The following PPP2R3A variants were observed in gnomAD, a reference collection of about 807,000 sequenced individuals.
PPP2R3A encodes serine/threonine-protein phosphatase 2A regulatory subunit B'' subunit alpha.
Under a neutral mutation model 106.9 loss-of-function variants are expected in PPP2R3A, and 80 were observed. That is an observed-to-expected ratio of 0.75 (90% CI 0.62 to 0.90). The LOEUF (loss-of-function observed/expected upper bound fraction) is 0.90, where lower values mean the gene tolerates loss of function less well. Among genes scored for constraint, PPP2R3A ranks in the 40% least tolerant of loss-of-function variants. The pLI, the probability that PPP2R3A is intolerant of heterozygous loss-of-function variation, is 0.00. For synonymous variants in PPP2R3A, 483 were observed against 468.3 expected (o/e 1.03, Z -0.41); for missense variants, 1,386 against 1,350.4 (o/e 1.03, Z -0.41).
At chr3:136,117,355 T>A (rs1937806627) in intron 13 of PPP2R3A, among the ~76,000 whole-genome samples, 1 of 151,874 alleles carries the variant, frequency 6.6e-6, no homozygotes, top group Non-Finnish European at 1.5e-5. Context: ...AACAAAAAGC[T>A]AGCAGAAGCC....
chr3:136,132,601 A>G (rs1308211224), intron 13 of PPP2R3A, among the ~76,000 whole-genome samples: 1 of 151,972 alleles, frequency 6.6e-6, no homozygotes, highest in African/African-American at 2.4e-5. Flanking sequence ...AACTAAAAAA[A>G]CAATGCTGAG....
chr3:136,131,474 T>C (rs994443555), intron 13 of PPP2R3A, among the ~76,000 whole-genome samples: 16 of 152,214 alleles, frequency 1.1e-4, no homozygotes, highest in African/African-American at 3.4e-4. Flanking sequence ...TATCATCTCA[T>C]GCCAGTTAGA....
chr3:136,068,527 AT>A (rs1381488137), intron 5 of PPP2R3A, among the ~76,000 whole-genome samples: 1 of 152,118 alleles, frequency 6.6e-6, no homozygotes, highest in Non-Finnish European at 1.5e-5. Context: ...TCTCAAAAAA[AT>A]AAAAGAAATA....
At chr3:136,094,148 A>G (rs1937161546) in intron 10 of PPP2R3A, among the ~76,000 whole-genome samples, 1 of 152,254 alleles carries the variant, frequency 6.6e-6, no homozygotes, top group African/African-American at 2.4e-5. Flanking sequence ...CATTTATATG[A>G]GTTGTCCAGA....
intron 1 of PPP2R3A, among the ~76,000 whole-genome samples, chr3:135,966,159 C>T (rs1162573852): frequency 6.6e-6 from 1 of 152,182 alleles, no homozygotes; most frequent in East Asian, 1.9e-4. Flanking sequence ...CGGGGGCGGC[C>T]TGGGCCCTCC....
chr3:135,975,580 T>G (rs1380983007), intron 1 of PPP2R3A, among the ~76,000 whole-genome samples: 2 of 152,224 alleles, frequency 1.3e-5, no homozygotes, highest in African/African-American at 4.8e-5. Flanking sequence ...TAATTTCAGA[T>G]AGTAGTAATA....
intron 4 of PPP2R3A, among the ~76,000 whole-genome samples, chr3:136,042,784 C>T (rs1935331575): frequency 6.6e-6 from 1 of 152,048 alleles, no homozygotes; most frequent in South Asian, 2.1e-4. Flanking sequence ...TGTTATTTTA[C>T]AGTCAGATAT....
intron 6 of PPP2R3A, among the ~76,000 whole-genome samples, chr3:136,075,924 A>G (rs981988228): frequency 8.5e-5 from 13 of 152,176 alleles, no homozygotes; most frequent in African/African-American, 3.1e-4. Context: ...TGTGCTAAAA[A>G]TCCTCCATCG....
At chr3:136,026,717 T>G in intron 2 of PPP2R3A, 115 bp from the exon 3 acceptor site, 2 of 907,874 alleles carry the variant, frequency 2.2e-6, no homozygotes, top group Non-Finnish European at 3.3e-6. Flanking sequence ...AAGAGTACAG[T>G]GAGCCCTTAA....
intron 1 of PPP2R3A, among the ~76,000 whole-genome samples, chr3:135,992,667 A>C (rs1277830252): frequency 6.6e-6 from 1 of 152,214 alleles, no homozygotes. Flanking sequence ...AGATGAATTC[A>C]GCTTCAGGCA....
chr3:136,072,977 G>GT (rs1279109084), intron 6 of PPP2R3A, among the ~76,000 whole-genome samples: 1 of 151,406 alleles, frequency 6.6e-6, no homozygotes, highest in African/African-American at 2.4e-5. Flanking sequence ...GTTTGTTTGG[G>GT]TTTTTTTTGA....
At chr3:136,133,244 C>T (rs1285519766) in intron 13 of PPP2R3A, among the ~76,000 whole-genome samples, 3 of 151,884 alleles carry the variant, frequency 2.0e-5, no homozygotes, top group African/African-American at 7.3e-5. Context: ...AAAATATTTC[C>T]AAAACATTCT....
chr3:135,991,877 G>C (rs1438484925), intron 1 of PPP2R3A, among the ~76,000 whole-genome samples: 4 of 152,086 alleles, frequency 2.6e-5, no homozygotes, highest in Non-Finnish European at 5.9e-5. Flanking sequence ...TAATTCCCAT[G>C]TGTTCAAATC....
intron 13 of PPP2R3A, among the ~76,000 whole-genome samples, chr3:136,144,357 A>C (rs1458809493): frequency 6.6e-6 from 1 of 152,172 alleles, no homozygotes; most frequent in East Asian, 1.9e-4. Context: ...AAGCAATCTG[A>C]GAGTTGAGAA....
At chr3:135,970,395 G>A (rs1376290992) in intron 1 of PPP2R3A, among the ~76,000 whole-genome samples, 2 of 152,142 alleles carry the variant, frequency 1.3e-5, no homozygotes, top group Non-Finnish European at 2.9e-5. Context: ...GATATTTAAC[G>A]GGCCATTTAA....
intron 3 of PPP2R3A, among the ~76,000 whole-genome samples, chr3:136,033,889 A>G (rs952809321): frequency 2.6e-4 from 39 of 149,126 alleles, no homozygotes; most frequent in African/African-American, 8.9e-4. Context: ...ATTTTTTTCA[A>G]TTTCATTTAG....
intron 6 of PPP2R3A, among the ~76,000 whole-genome samples, chr3:136,075,638 A>G (rs1338625519): frequency 2.0e-5 from 3 of 152,232 alleles, no homozygotes; most frequent in Non-Finnish European, 4.4e-5. Context: ...GAGGAGAAAA[A>G]TAAGCACGAA....
chr3:136,002,119 A>C lies in PPP2R3A; in HGVS notation c.621A>C (p.Glu207Asp). Reference sequence around the variant, plus strand: ...CCATGTTTCTTCAAAACTTTTCTGAAGAAGACTTGGTTACTCAGATTTTGG... The same window carrying C: ...CCATGTTTCTTCAAAACTTTTCTGACGAAGACTTGGTTACTCAGATTTTGG... ...LTSMFLQNFSEEDLVTQILEK... is the reference protein window; with the variant it reads ...LTSMFLQNFSDEDLVTQILEK... The change falls in exon 2 of 14, where the codon GAA becomes GAC. Residue 207 changes from glutamate (E) to aspartate (D), a missense_variant. Physicochemically the swap from Glu to Asp is conservative, Grantham distance 45. Coordinates refer to ENST00000264977, the MANE Select transcript of PPP2R3A (RefSeq NM_002718.5). 1 of 1,614,140 alleles carries C rather than the reference A, an allele frequency of 6.2e-7. No individual in the cohort carries two copies. The highest frequency in any genetic ancestry group is 8.5e-7 in the Non-Finnish European group (1 of 1,180,016).
intron 12 of PPP2R3A, among the ~76,000 whole-genome samples, chr3:136,104,250 G>A (rs1937456379): frequency 6.6e-6 from 1 of 151,954 alleles, no homozygotes; most frequent in South Asian, 2.1e-4. Flanking sequence ...AGTCTGTTAT[G>A]GTTCATTGAA....
Sources: gnomAD v4.1 joint callset for allele counts (sites outside exome capture counted in the v4.1 genomes callset) on GRCh38, gnomAD v4.1.1 for gene constraint, MANE v1.5 for transcripts, NCBI Gene and HGNC (gene_info 2026-07-23, HGNC 2026-07-21) for gene names.